MSRB3: variants seen among roughly 807,000 people sequenced by gnomAD.
The protein encoded by MSRB3 is methionine sulfoxide reductase B3, also known as methionine-R-sulfoxide reductase B3.
MSRB3 carries 13 observed loss-of-function variants against 21.0 expected under a neutral mutation model. The ratio of observed to expected loss-of-function variants is 0.62; its 90% CI spans 0.40 to 0.98. The LOEUF is 0.98. Among genes scored for constraint, MSRB3 ranks in the 50% least tolerant of loss-of-function variants. The pLI, the probability that MSRB3 is intolerant of heterozygous loss-of-function variation, is 0.00. For missense variants in MSRB3, 199 were observed against 230.3 expected (o/e 0.86, Z 0.88); for synonymous variants, 87 against 88.6 (o/e 0.98, Z 0.10).
Position 65,426,912 on chromosome 12 carries a change from G to A in MSRB3, c.293-26816G>A, listed in dbSNP as rs545472779. Among the ~76,000 whole-genome samples, 31 of 152,052 alleles carry A rather than the reference G, an allele frequency of 2.0e-4. No homozygotes were observed. In the South Asian group the frequency reaches 5.8e-3, roughly 29 times the overall value. On this transcript the variant is annotated intron_variant, in intron 5 of 6. Transcript: ENST00000308259. ...AAATATAATTTTAATCTTTGTTAAA[G>A]TTCTTGTTTTGGTCTTACAGTGTTT... is the stretch of plus-strand genomic sequence containing the variant.
chr12:65,395,312 C>T (rs770006220), intron 5 of MSRB3, among the ~76,000 whole-genome samples: 15 of 151,826 alleles, frequency 9.9e-5, no homozygotes, highest in Non-Finnish European at 1.8e-4. Flanking sequence ...ACTAAAAATA[C>T]AAAATTAGCC....
chr12:65,457,733 A>G (rs1883153770), intron 6 of MSRB3, among the ~76,000 whole-genome samples: 1 of 150,786 alleles, frequency 6.6e-6, no homozygotes, highest in Admixed American at 6.6e-5. Context: ...ATCTACAAAG[A>G]AATTAAACAA....
intron 5 of MSRB3, among the ~76,000 whole-genome samples, chr12:65,414,199 G>C (rs1880856578): frequency 6.6e-6 from 1 of 152,136 alleles, no homozygotes; most frequent in Admixed American, 6.6e-5. Flanking sequence ...CACTTTGGCT[G>C]TTATATACAG....
At chr12:65,436,732 G>C (rs1250746984) in intron 5 of MSRB3, among the ~76,000 whole-genome samples, 1 of 151,816 alleles carries the variant, frequency 6.6e-6, no homozygotes, top group African/African-American at 2.4e-5. Context: ...AATGTTTCTA[G>C]CTTCTTACTA....
rs967883006 is a variant in MSRB3 at position 65,437,639 on chromosome 12, GA to G, written c.293-16079del. ...AGTAGACAGACGACAACTAAACCAAGAAAAAAAAAAGCCAGCTGTCATGACA... is the reference window on the plus strand; with the variant it reads ...AGTAGACAGACGACAACTAAACCAAGAAAAAAAAAGCCAGCTGTCATGACA... On this transcript the variant is annotated intron_variant, in intron 5 of 6. Coordinates refer to ENST00000308259, the MANE Select transcript of MSRB3 (RefSeq NM_001031679.3). 1.8e-4 allele frequency among the ~76,000 whole-genome samples: 26 copies of G among 147,170 alleles called. 1 individual carries two copies. In the South Asian group the frequency reaches 3.0e-3, roughly 17 times the overall value.
At chr12:65,393,778 T>G (rs1211145687) in intron 5 of MSRB3, among the ~76,000 whole-genome samples, 1 of 152,148 alleles carries the variant, frequency 6.6e-6, no homozygotes, top group East Asian at 1.9e-4. Context: ...ATACAAATAT[T>G]ATAAAATACA....
chr12:65,331,297 G>A (rs1875399812), intron 4 of MSRB3, among the ~76,000 whole-genome samples: 1 of 152,150 alleles, frequency 6.6e-6, no homozygotes, highest in African/African-American at 2.4e-5. Context: ...GGTAATAAGG[G>A]ATTGGGTAGT....
chr12:65,442,521 A>G (rs1457087276), intron 5 of MSRB3, among the ~76,000 whole-genome samples: 1 of 151,996 alleles, frequency 6.6e-6, no homozygotes, highest in Non-Finnish European at 1.5e-5. Flanking sequence ...CTCACTTGGT[A>G]TTTTTAAGGT....
intron 4 of MSRB3, among the ~76,000 whole-genome samples, chr12:65,355,126 T>TAAAGGATCCC (rs1877307557): frequency 2.0e-5 from 3 of 151,902 alleles, no homozygotes; most frequent in Non-Finnish European, 4.4e-5. Flanking sequence ...TTAATTTTTC[T>TAAAGGATCCC]CCTTCTGGGG....
intron 5 of MSRB3, among the ~76,000 whole-genome samples, chr12:65,408,445 G>T (rs1485279968): frequency 6.6e-6 from 1 of 152,200 alleles, no homozygotes; most frequent in Admixed American, 6.5e-5. Context: ...AACTGAGGTA[G>T]TAGGCCTTTA....
At chr12:65,280,363 T>C (rs536932588) in intron 1 of MSRB3, among the ~76,000 whole-genome samples, 19 of 152,358 alleles carry the variant, frequency 1.2e-4, no homozygotes, top group African/African-American at 4.6e-4. Context: ...TTCACATTTT[T>C]CAATGGATTT....
At chr12:65,445,685 G>C (rs763594504) in intron 5 of MSRB3, among the ~76,000 whole-genome samples, 2 of 141,248 alleles carry the variant, frequency 1.4e-5, no homozygotes, top group East Asian at 2.0e-4. Flanking sequence ...TCACTCTGTC[G>C]CCCAGGCTGG....
intron 4 of MSRB3, among the ~76,000 whole-genome samples, chr12:65,348,932 A>C (rs1194767263): frequency 6.6e-6 from 1 of 151,652 alleles, no homozygotes; most frequent in Non-Finnish European, 1.5e-5. Context: ...ATATACTTTA[A>C]GTTTTAGGGT....
At chr12:65,332,649 G>T (rs1875505458) in intron 4 of MSRB3, among the ~76,000 whole-genome samples, 1 of 152,046 alleles carries the variant, frequency 6.6e-6, no homozygotes, top group African/African-American at 2.4e-5. Context: ...AAAAAGAAAA[G>T]ATCATTTCCC....
chr12:65,441,659 T>C (rs886064852), intron 5 of MSRB3, among the ~76,000 whole-genome samples: 1 of 152,062 alleles, frequency 6.6e-6, no homozygotes, highest in Middle Eastern at 3.4e-3. Flanking sequence ...ACAAAAAGCA[T>C]AATAAACAGT....
At chr12:65,320,444 G>A (rs1217009437) in intron 2 of MSRB3, among the ~76,000 whole-genome samples, 1 of 152,156 alleles carries the variant, frequency 6.6e-6, no homozygotes, top group African/African-American at 2.4e-5. Flanking sequence ...AGATTACTCT[G>A]AAGGGGAGAG....
intron 4 of MSRB3, among the ~76,000 whole-genome samples, chr12:65,340,090 T>C (rs528290023): frequency 6.6e-6 from 1 of 152,262 alleles, no homozygotes; most frequent in Non-Finnish European, 1.5e-5. Context: ...AAGTTAGGCT[T>C]TAAAATAACT....
rs116504244 is a variant in MSRB3 at position 65,416,456 on chromosome 12, A to G, written c.293-37272A>G. 3.2e-3 allele frequency among the ~76,000 whole-genome samples: 494 copies of G among 152,310 alleles called. 8 individuals carry two copies. Among genetic ancestry groups the G allele is most frequent in the African/African-American group, 0.011 (478 of 41,588 alleles). ...GGGAGTACGTCTGAAGAAGTCTCTC[A>G]TTAGGTGATTTTGTCATTGTGTGAA... On this transcript the variant is annotated intron_variant, in intron 5 of 6. Coordinates refer to ENST00000308259, the MANE Select transcript of MSRB3 (RefSeq NM_001031679.3).
intron 4 of MSRB3, among the ~76,000 whole-genome samples, chr12:65,345,473 C>T (rs1265759562): frequency 6.6e-6 from 1 of 152,058 alleles, no homozygotes; most frequent in Non-Finnish European, 1.5e-5. Context: ...ATATGTAGCA[C>T]TTTCAGAATT....
Sources: gnomAD v4.1 joint callset for allele counts (sites outside exome capture counted in the v4.1 genomes callset) on GRCh38, gnomAD v4.1.1 for gene constraint, MANE v1.5 for transcripts, NCBI Gene and HGNC (gene_info 2026-07-23, HGNC 2026-07-21) for gene names.